The following MRC2 variants were observed in gnomAD, a reference collection of about 807,000 sequenced individuals.
MRC2 encodes mannose receptor C-type 2.
MRC2 carries 84 observed loss-of-function variants against 206.2 expected under a neutral mutation model. That is an observed-to-expected ratio of 0.41 (90% CI 0.34 to 0.49). MRC2 has a LOEUF of 0.49. MRC2 is among the 20% of genes least tolerant of loss of function. MRC2 has a pLI of 0.31. For missense variants in MRC2, 1,676 were observed against 2,001.5 expected (o/e 0.84, Z 3.10); for synonymous variants, 798 against 800.0 (o/e 1.00, Z 0.04).
intron 19 of MRC2, 23 bp from the exon 20 acceptor site, chr17:62,682,212 G>GCCCTC (rs747503813): frequency 6.5e-7 from 1 of 1,544,368 alleles, no homozygotes; most frequent in South Asian, 1.2e-5. Context: ...GGGGGTGACT[G>GCCCTC]CCCTCCCCTC....
At chr17:62,642,806 G>C (rs2088423064) in intron 1 of MRC2, among the ~76,000 whole-genome samples, 4 of 152,086 alleles carry the variant, frequency 2.6e-5, no homozygotes, top group Admixed American at 2.6e-4. Context: ...AAAAAGCAAA[G>C]TTGTTCATAG....
Position 62,688,321 on chromosome 17 carries a change from C to A in MRC2, c.2979C>A (p.Ser993Arg). 1 of 1,614,158 alleles carries A rather than the reference C, an allele frequency of 6.2e-7. No individual in the cohort carries two copies. The highest frequency in any genetic ancestry group is 8.5e-7 in the Non-Finnish European group (1 of 1,180,030). Residue 993 changes from serine to arginine, a missense_variant, in exon 21 of 30, where the codon AGC (serine) becomes AGA (arginine). By Grantham distance (110) the Ser-to-Arg change is moderately radical. Around this residue, in one of 3 missense-constraint regions of MRC2, gnomAD observed 1,354 missense variants for 1,636.6 expected, o/e 0.83. Transcript: ENST00000303375. ...CFQVQGQEPQ[S>R]RVKWSEAQFS... is the part of the protein sequence containing the mutation. Reference sequence around the variant, plus strand: ...AGGTCCAGGGCCAGGAACCCCAGAGCCGGGTGAAGTGGTCAGAGGCACAGT... The same window carrying A: ...AGGTCCAGGGCCAGGAACCCCAGAGACGGGTGAAGTGGTCAGAGGCACAGT...
At chr17:62,637,876 T>TTTTG (rs569811485) in intron 1 of MRC2, among the ~76,000 whole-genome samples, 3 of 152,238 alleles carry the variant, frequency 2.0e-5, no homozygotes, top group South Asian at 4.2e-4. Flanking sequence ...TGGCATTTGT[T>TTTTG]TTTGTTTGTT....
intron 27 of MRC2, 78 bp downstream of exon 27, chr17:62,690,839 G>A: frequency 6.6e-7 from 1 of 1,505,254 alleles, no homozygotes; most frequent in Non-Finnish European, 8.9e-7. Context: ...CCTGAGCCTT[G>A]TCCTGGGGCT....
At chr17:62,654,537 G>C (rs1274979612) in intron 1 of MRC2, among the ~76,000 whole-genome samples, 2 of 152,068 alleles carry the variant, frequency 1.3e-5, no homozygotes, top group Non-Finnish European at 2.9e-5. Flanking sequence ...CTTATCTGAG[G>C]TCAGACCTCT....
chr17:62,637,357 G>A (rs2088335507), intron 1 of MRC2, among the ~76,000 whole-genome samples: 1 of 151,930 alleles, frequency 6.6e-6, no homozygotes, highest in South Asian at 2.1e-4. Flanking sequence ...CCAACATGGT[G>A]AAACCCTGTC....
At chr17:62,678,756 G>A (rs879288009) in intron 13 of MRC2, 110 bp downstream of exon 13, 21 of 1,498,906 alleles carry the variant, frequency 1.4e-5, no homozygotes, top group Non-Finnish European at 1.9e-5. Flanking sequence ...GGCAGAATGT[G>A]GGTGACCCCA....
rs1055887339 is a variant in MRC2 at position 62,672,420 on chromosome 17, C to T, written c.1461+268C>T. On this transcript the variant is annotated intron_variant, in intron 8 of 29. Transcript: ENST00000303375. This position sits in a 1 kb window ranked among gnomAD's most constrained non-coding sequence, Gnocchi z 4.5. ...TGGGGAGATCAGAGGAGTTAATTCT[C>T]GTGAAACCTTAGGCACAGTGCCTGG... 2.0e-5 allele frequency among the ~76,000 whole-genome samples: 3 copies of T among 152,126 alleles called. No homozygotes were observed. Among genetic ancestry groups the T allele is most frequent in the Admixed American group, 1.3e-4 (2 of 15,260 alleles).
In MRC2 at chr17:62,666,737, G is replaced by A. The variant is rs762676746; in HGVS notation, c.860-20G>A. ...GCTGGGGCTGGGGATCCCCTGTTCA[G>A]TGTCCCTCCTTGCTGTCAGGCCTCC... On this transcript the variant is annotated intron_variant, in intron 4 of 29. Transcript: ENST00000303375. This position sits in a 1 kb window ranked among gnomAD's most constrained non-coding sequence, Gnocchi z 5.0. The A allele has an allele frequency of 2.2e-5, 36 of 1,611,636 alleles. No individual in the cohort carries two copies. Among genetic ancestry groups the A allele is most frequent in the African/African-American group, 5.3e-5 (4 of 74,828 alleles).
intron 1 of MRC2, among the ~76,000 whole-genome samples, chr17:62,640,620 CTTCCCCCCT>C (rs2088389604): frequency 6.6e-6 from 1 of 152,088 alleles, no homozygotes; most frequent in Admixed American, 6.6e-5. Context: ...CTGAAGTGAT[CTTCCCCCCT>C]CAGCCTCCGC....
In MRC2 at chr17:62,679,805, C is replaced by T. The variant is rs372513671; in HGVS notation, c.2201C>T (p.Ser734Leu). The T allele has an allele frequency of 6.2e-7, 1 of 1,613,642 alleles. No individual in the cohort carries two copies. Among genetic ancestry groups the T allele is most frequent in the East Asian group, 2.2e-5 (1 of 44,884 alleles). The part of the protein sequence containing the change: ...ANMLNKIFGE[S>L]EPEIHEQHWF... ...ACTCCTGGGTTGTGCTGAAGTGAAT[C>T]AGAACCCGAGATCCACGAGCAGCAC... Residue 734 changes from serine to leucine, a missense_variant, in exon 14 of 30, where the codon TCA becomes TTA. By Grantham distance (145) the Ser-to-Leu change is moderately radical. This residue lies in a region of MRC2 where 1,354 missense variants were observed against 1,636.6 expected (regional missense o/e 0.83). Transcript: ENST00000303375.
intron 1 of MRC2, among the ~76,000 whole-genome samples, chr17:62,634,926 G>A (rs1311578240): frequency 6.6e-6 from 1 of 151,242 alleles, no homozygotes; most frequent in Non-Finnish European, 1.5e-5. Context: ...CACCTTCCGA[G>A]TTCAGGCGAT....
Position 62,690,036 on chromosome 17 carries a change from A to G in MRC2, c.3716A>G (p.Gln1239Arg), listed in dbSNP as rs1212730069. 1 of 1,607,568 alleles carries G rather than the reference A, an allele frequency of 6.2e-7. No individual in the cohort carries two copies. Among genetic ancestry groups the G allele is most frequent in the Admixed American group, 1.7e-5 (1 of 59,604 alleles). Residue 1239 changes from glutamine to arginine, a missense_variant, in exon 25 of 30, where the codon CAG becomes CGG. Around this residue, in one of 3 missense-constraint regions of MRC2, gnomAD observed 1,354 missense variants for 1,636.6 expected, o/e 0.83. Coordinates refer to ENST00000303375, the MANE Select transcript of MRC2 (RefSeq NM_006039.5). ...ACCACCAGCTGTGACACCAAGCTGC[A>G]GGGGGCTGTGTGTGGGGTTAGCAGT... ...WRTTSCDTKLQGAVCGVSSGP... is the reference protein window; with the variant it reads ...WRTTSCDTKLRGAVCGVSSGP...
chr17:62,681,998 G>C, intron 19 of MRC2, 61 bp downstream of exon 19: 1 of 1,440,216 alleles, frequency 6.9e-7, no homozygotes, highest in South Asian at 1.2e-5. Flanking sequence ...TGCTGGGCGA[G>C]CCTGGGCAGA....
In MRC2 at chr17:62,664,812, A is replaced by C; in HGVS notation, c.383A>C (p.Asp128Ala). ...NLRWHCRTLGDQLSLLLGART... is the reference protein window; with the variant it reads ...NLRWHCRTLGAQLSLLLGART... ...CGCTGGCATTGTCGTACACTGGGTG[A>C]CCAGCTGTCCTTGCTCCTGGGGGCC... The change falls in exon 2 of 30, where the codon GAC becomes GCC. Residue 128 changes from aspartate to alanine, a missense_variant. Transcript: ENST00000303375. The surrounding 1 kb of genome is among the most constrained non-coding windows in gnomAD (Gnocchi z 4.7). The C allele has an allele frequency of 6.2e-7, 1 of 1,613,890 alleles. No individual in the cohort carries two copies. The highest frequency in any genetic ancestry group is 8.5e-7 in the Non-Finnish European group (1 of 1,180,032).
intron 1 of MRC2, among the ~76,000 whole-genome samples, chr17:62,633,693 A>AAT (rs1568046631): frequency 2.1e-5 from 3 of 141,498 alleles, no homozygotes; most frequent in Non-Finnish European, 3.1e-5. Flanking sequence ...AAAAAAAAAA[A>AAT]AGCTGGGTGT....
chr17:62,692,516 G>T lies in MRC2; in HGVS notation c.*65G>T. On this transcript the variant is annotated 3_prime_UTR_variant, in exon 30 of 30. Transcript: ENST00000303375. The surrounding 1 kb of genome is among the most constrained non-coding windows in gnomAD (Gnocchi z 4.2). ...GGAGCTGGGGCCCTGGGTCAGTCTG[G>T]CCCCCCACCAGCTGCCTGTCCAGTT... is the stretch of plus-strand genomic sequence containing the variant. 6.9e-7 allele frequency: 1 copy of T among 1,459,774 alleles called. No homozygotes were observed. The highest frequency in any genetic ancestry group is 9.3e-7 in the Non-Finnish European group (1 of 1,079,790). The allele number at this position is 1,459,774 out of a possible 1,614,324, so 90.4% of individuals were successfully genotyped here.
intron 18 of MRC2, 47 bp downstream of exon 18, chr17:62,681,176 A>G (rs1440635090): frequency 5.0e-6 from 8 of 1,597,222 alleles, no homozygotes; most frequent in Non-Finnish European, 6.8e-6. Context: ...CTGGCTGTCC[A>G]CACACGGAGC....
chr17:62,659,009 A>G (rs1236466951), intron 1 of MRC2, among the ~76,000 whole-genome samples: 1 of 152,198 alleles, frequency 6.6e-6, no homozygotes, highest in Non-Finnish European at 1.5e-5. Context: ...TGTATTTCTC[A>G]TGGCTTTGGA....
Sources: allele counts gnomAD v4.1 joint callset (sites outside exome capture counted in the v4.1 genomes callset), GRCh38; gene constraint gnomAD v4.1.1; regional missense constraint gnomAD v4.1.1; non-coding constraint Gnocchi (gnomAD v3.1); transcripts MANE v1.5; gene names NCBI Gene and HGNC (gene_info 2026-07-23, HGNC 2026-07-21).